Variants in PCDHGA10 observed in about 807,000 individuals in gnomAD.
The protein encoded by PCDHGA10 is protocadherin gamma-A10.
In PCDHGA10, 42 loss-of-function variants were observed where a neutral mutation model predicts 59.5. The ratio of observed to expected loss-of-function variants is 0.71; its 90% CI spans 0.55 to 0.91. PCDHGA10 has a LOEUF of 0.91. Among genes scored for constraint, PCDHGA10 ranks in the 40% least tolerant of loss-of-function variants. The pLI, the probability that PCDHGA10 is intolerant of heterozygous loss-of-function variation, is 0.00. For synonymous variants in PCDHGA10, 511 were observed against 517.2 expected (o/e 0.99, Z 0.16); for missense variants, 1,111 against 1,198.2 (o/e 0.93, Z 1.07).
At chr5:141,418,630 A>G in intron 1 of PCDHGA10, 1 of 1,614,046 alleles carries the variant, frequency 6.2e-7, no homozygotes, top group Non-Finnish European at 8.5e-7. Context: ...ACGTGCCTCC[A>G]GGCACCTCCA....
chr5:141,500,394 A>G (rs1024641290), intron 2 of PCDHGA10, among the ~76,000 whole-genome samples: 1 of 151,922 alleles, frequency 6.6e-6, no homozygotes, highest in Non-Finnish European at 1.5e-5. Flanking sequence ...TATTTTTAGT[A>G]GAGACGGGGT....
At chr5:141,472,729 T>G (rs2099294506) in intron 1 of PCDHGA10, among the ~76,000 whole-genome samples, 1 of 152,004 alleles carries the variant, frequency 6.6e-6, no homozygotes. Context: ...CTCACACCTG[T>G]AATCCCAGCA....
intron 1 of PCDHGA10, among the ~76,000 whole-genome samples, chr5:141,483,875 AT>A (rs2154580008): frequency 6.6e-6 from 1 of 151,964 alleles, no homozygotes; most frequent in Admixed American, 6.6e-5. Context: ...ATCAGGATGG[AT>A]TTTTCTATTT....
intron 1 of PCDHGA10, chr5:141,441,480 T>A (rs1679700290): frequency 5.9e-6 from 1 of 170,298 alleles, no homozygotes. Flanking sequence ...CCAACGACAA[T>A]GCTCTGGTTT....
chr5:141,482,220 G>T (rs945741591), intron 1 of PCDHGA10, among the ~76,000 whole-genome samples: 8 of 152,148 alleles, frequency 5.3e-5, no homozygotes, highest in African/African-American at 1.9e-4. Flanking sequence ...ACTTGTTTTG[G>T]TGTGAAATTG....
At chr5:141,502,525 G>A (rs1258704254) in intron 2 of PCDHGA10, among the ~76,000 whole-genome samples, 1 of 152,074 alleles carries the variant, frequency 6.6e-6, no homozygotes, top group Non-Finnish European at 1.5e-5. Flanking sequence ...CAGTGATGCC[G>A]AGTTTGTTCG....
intron 1 of PCDHGA10, among the ~76,000 whole-genome samples, chr5:141,458,408 C>A (rs895785923): frequency 6.6e-6 from 1 of 151,932 alleles, no homozygotes; most frequent in East Asian, 1.9e-4. Flanking sequence ...AGAGACGGAG[C>A]GGGGGTTCCA....
rs758216933 is a variant in PCDHGA10 at position 141,487,377 on chromosome 5, C to A, written c.2437-7430C>A. The A allele has an allele frequency of 2.5e-6, 4 of 1,614,190 alleles. No individual in the cohort carries two copies. In the South Asian group the frequency reaches 3.3e-5, roughly 13 times the overall value. On this transcript the variant is annotated intron_variant, in intron 1 of 3. Transcript: ENST00000398610. This position sits in a 1 kb window ranked among gnomAD's most constrained non-coding sequence, Gnocchi z 5.0. ...CCTGCTGGCACCTGTGCCTGTCTCA[C>A]CAGATCTCGAAGGAGGGAGGGGCTT...
chr5:141,451,009 T>C (rs1437016950), intron 1 of PCDHGA10, among the ~76,000 whole-genome samples: 1 of 151,566 alleles, frequency 6.6e-6, no homozygotes, highest in East Asian at 1.9e-4. Context: ...GTATTTTTTT[T>C]AGTAGAGACG....
rs532725430 is a variant in PCDHGA10, at chr5:141,429,107, G to A, written c.2436+13496G>A. On this transcript the variant is annotated intron_variant, in intron 1 of 3. Transcript: ENST00000398610. ...CTGACCTCGTGATCTGCCCGCCTCG[G>A]CCTCCCAAAGTGCTGGGATTATAGG... The A allele has an allele frequency of 3.8e-3, 579 of 152,026 alleles. 5 individuals are homozygous for A. Among genetic ancestry groups the A allele is most frequent in the Admixed American group, 0.011 (166 of 15,232 alleles). The allele number at this position is 152,026 out of a possible 1,614,324, so 9.4% of individuals were successfully genotyped here. A position where few individuals can be genotyped will look rare whatever the true frequency, so the allele number is the denominator to read the frequency against.
chr5:141,445,576 G>A (rs1459010134), intron 1 of PCDHGA10, among the ~76,000 whole-genome samples: 1 of 152,158 alleles, frequency 6.6e-6, no homozygotes, highest in Non-Finnish European at 1.5e-5. Flanking sequence ...TTATAGTAGG[G>A]AAGCTTCGCC....
At chr5:141,501,333 A>ACC (rs1554187333) in intron 2 of PCDHGA10, among the ~76,000 whole-genome samples, 192 of 140,118 alleles carry the variant, frequency 1.4e-3, no homozygotes, top group Admixed American at 5.6e-3. Flanking sequence ...ACACACACAC[A>ACC]CCCCAAACTC....
At position 141,414,279 on chromosome 5, in the gene PCDHGA10, A is replaced by G. The variant is rs1369675815; in HGVS notation, c.1104A>G (p.Thr368=). The change falls in exon 1 of 4, where the codon ACA becomes ACG. Residue 368 remains threonine, a synonymous_variant. Transcript: ENST00000398610. ...TGACTGAAGATTCACCTCTGGGAAC[A>G]GTCGTAGCCCTTTTAAATGTGCATG... is the stretch of plus-strand genomic sequence containing the variant. ...SPVTEDSPLG[T]VVALLNVHDL... is the part of the protein sequence containing the mutation. 1.9e-6 allele frequency: 3 copies of G among 1,613,350 alleles called. No homozygotes were observed. The highest frequency in any genetic ancestry group is 3.3e-5 in the Admixed American group (2 of 59,930).
chr5:141,464,048 T>C (rs377735829), intron 1 of PCDHGA10, among the ~76,000 whole-genome samples: 1 of 152,260 alleles, frequency 6.6e-6, no homozygotes, highest in South Asian at 2.1e-4. Context: ...GTGGATCACC[T>C]GAGGTCAGGA....
At position 141,487,148 on chromosome 5, in the gene PCDHGA10, G is replaced by A; in HGVS notation, c.2437-7659G>A. ...TGGTAGTCCACCACTCTCTACCTCT[G>A]TTACTCTCTTAGTGTCCTTAGAGGA... On this transcript the variant is annotated intron_variant, in intron 1 of 3. Transcript: ENST00000398610. This position sits in a 1 kb window ranked among gnomAD's most constrained non-coding sequence, Gnocchi z 5.0. The A allele has an allele frequency of 6.2e-7, 1 of 1,614,042 alleles. No homozygotes were observed. The highest frequency in any genetic ancestry group is 8.5e-7 in the Non-Finnish European group (1 of 1,179,922).
chr5:141,491,964 C>T lies in PCDHGA10; in HGVS notation c.2437-2843C>T, dbSNP rs1382490003. 2.1e-6 allele frequency: 2 copies of T among 943,836 alleles called. No individual in the cohort carries two copies. The highest frequency in any genetic ancestry group is 3.0e-6 in the Non-Finnish European group (2 of 671,104). 58.5% of individuals were successfully genotyped at this position (943,836 alleles called of 1,614,324 possible). On this transcript the variant is annotated intron_variant, in intron 1 of 3. Transcript: ENST00000398610. The surrounding 1 kb of genome is among the most constrained non-coding windows in gnomAD (Gnocchi z 6.9). ...CCCCACCCCTACACTCAAAAAAGGC[C>T]GGGGCCTCCTTCGAGCTTCCGGTGA...
chr5:141,423,766 C>A, intron 1 of PCDHGA10: 1 of 1,110,086 alleles, frequency 9.0e-7, no homozygotes, highest in Non-Finnish European at 1.1e-6. Context: ...GGGGGTGGGG[C>A]GGCATATATT....
At chr5:141,460,849 G>A (rs908955373) in intron 1 of PCDHGA10, among the ~76,000 whole-genome samples, 1 of 150,224 alleles carries the variant, frequency 6.7e-6, no homozygotes, top group Non-Finnish European at 1.5e-5. Flanking sequence ...CCTCCAGTTC[G>A]ATCCAAGTTG....
chr5:141,442,131 A>T, intron 1 of PCDHGA10: 1 of 165,118 alleles, frequency 6.1e-6, no homozygotes, highest in Non-Finnish European at 1.3e-5. Context: ...GACAGCCTGC[A>T]GGAGACTCTG....
Sources: allele counts gnomAD v4.1 joint callset (sites outside exome capture counted in the v4.1 genomes callset), GRCh38; gene constraint gnomAD v4.1.1; non-coding constraint Gnocchi (gnomAD v3.1); transcripts MANE v1.5; gene names NCBI Gene and HGNC (gene_info 2026-07-23, HGNC 2026-07-21).